Variants in CD163 observed in about 807,000 individuals in gnomAD.
The protein encoded by CD163 is scavenger receptor cysteine-rich type 1 protein M130.
A neutral mutation model predicts 129.2 loss-of-function variants in CD163; 64 were observed. The ratio of observed to expected loss-of-function variants is 0.50; its 90% CI spans 0.41 to 0.61. The LOEUF (loss-of-function observed/expected upper bound fraction) is 0.61. Among genes scored for constraint, CD163 ranks in the 20% least tolerant of loss-of-function variants. The pLI, the probability that CD163 is intolerant of heterozygous loss-of-function variation, is 0.00. For missense variants in CD163, 1,061 were observed against 1,377.9 expected (o/e 0.77, Z 3.64); for synonymous variants, 446 against 478.5 (o/e 0.93, Z 0.89).
At chr12:7,486,085 A>G (rs1468423427) in intron 10 of CD163, among the ~76,000 whole-genome samples, 2 of 152,184 alleles carry the variant, frequency 1.3e-5, no homozygotes, top group Non-Finnish European at 2.9e-5. Flanking sequence ...CTGCCATGAA[A>G]AATTGCTTGG....
chr12:7,483,740 G>T, intron 11 of CD163, 65 bp from the exon 12 acceptor site: 13 of 921,026 alleles, frequency 1.4e-5, no homozygotes, highest in South Asian at 6.2e-5. Flanking sequence ...GTTCACAGGT[G>T]AAAAGAGAGA....
Position 7,496,382 on chromosome 12 carries a change from G to T in CD163, c.1099+431C>A, listed in dbSNP as rs954843686. On this transcript the variant is annotated intron_variant, in intron 5 of 16. Coordinates refer to ENST00000432237, the MANE Select transcript of CD163 (RefSeq NM_203416.4). The surrounding 1 kb of genome is among the most constrained non-coding windows in gnomAD (Gnocchi z 4.8). The stretch of plus-strand genomic sequence containing the variant: ...TAGGACAAATACCTAATGCATGGGG[G>T]GTTAAAACCTAGATGACAGGTTGAT... Among the ~76,000 whole-genome samples, 1 of 151,622 alleles carries T rather than the reference G, an allele frequency of 6.6e-6. No homozygotes were observed. Among genetic ancestry groups the T allele is most frequent in the Non-Finnish European group, 1.5e-5 (1 of 67,936 alleles).
chr12:7,485,586 T>C lies in CD163; in HGVS notation c.2459-170A>G, dbSNP rs1949236683. The stretch of plus-strand genomic sequence containing the variant: ...GATGATTTCATAGATATTATTAAAA[T>C]ATTTTATTTATTCTATAAATACATT... On this transcript the variant is annotated intron_variant, in intron 10 of 16. Coordinates refer to ENST00000432237, the MANE Select transcript of CD163 (RefSeq NM_203416.4). This position sits in a 1 kb window ranked among gnomAD's most constrained non-coding sequence, Gnocchi z 4.5. 6.6e-6 allele frequency among the ~76,000 whole-genome samples: 1 copy of C among 152,136 alleles called. No individual in the cohort carries two copies. Among genetic ancestry groups the C allele is most frequent in the South Asian group, 2.1e-4 (1 of 4,836 alleles).
rs1356580252 is a variant in CD163, at chr12:7,501,357, C to T, written c.239G>A (p.Trp80Ter). The T allele has an allele frequency of 6.2e-6, 10 of 1,614,130 alleles. No homozygotes were observed. Among genetic ancestry groups the T allele is most frequent in the Non-Finnish European group, 8.5e-6 (10 of 1,180,006 alleles). Reference sequence around the variant, plus strand: ...AATCACAGAGACCGCTTCCATGCTCCAGCCATTATTACACACCGTTCCCCA... The same window carrying T: ...AATCACAGAGACCGCTTCCATGCTCTAGCCATTATTACACACCGTTCCCCA... ...EEWGTVCNNG[W>*]SMEAVSVICN... Residue 80 changes from tryptophan (W) to a stop codon, truncating the protein, a stop_gained, in exon 3 of 17, where the codon TGG (tryptophan) becomes TAG (stop). Transcript: ENST00000432237. LOFTEE classifies it high-confidence loss of function.
chr12:7,483,823 A>ATATG (rs1218130789), intron 11 of CD163, 148 bp from the exon 12 acceptor site: 7 of 43,504 alleles, frequency 1.6e-4, no homozygotes, highest in African/African-American at 3.1e-4. Context: ...ATATATATAT[A>ATATG]TGTATATATA....
Position 7,487,042 on chromosome 12 carries a change from T to C in CD163, c.2051-56A>G. 1 of 1,345,142 alleles carries C rather than the reference T, an allele frequency of 7.4e-7. No homozygotes were observed. The highest frequency in any genetic ancestry group is 2.3e-5 in the East Asian group (1 of 43,184). 83.3% of individuals were successfully genotyped at this position (1,345,142 alleles called of 1,614,324 possible). On this transcript the variant is annotated intron_variant, in intron 8 of 16. Transcript: ENST00000432237. This position sits in a 1 kb window ranked among gnomAD's most constrained non-coding sequence, Gnocchi z 5.1. ...GACACAAAAGGTTAGGGGAGTCAGATGAAATGTTATATGGATGAGTTGAGG... is the reference window on the plus strand; with the variant it reads ...GACACAAAAGGTTAGGGGAGTCAGACGAAATGTTATATGGATGAGTTGAGG...
intron 16 of CD163, among the ~76,000 whole-genome samples, chr12:7,478,377 T>C (rs995106370): frequency 5.3e-5 from 8 of 152,182 alleles, no homozygotes; most frequent in Admixed American, 2.0e-4. Context: ...ATATTGATGG[T>C]ATTTCAAATT....
At position 7,502,457 on chromosome 12, in the gene CD163, TA is replaced by T; in HGVS notation, c.133+20del. 6.7e-7 allele frequency: 1 copy of T among 1,490,294 alleles called. No homozygotes were observed. The highest frequency in any genetic ancestry group is 9.4e-7 in the Non-Finnish European group (1 of 1,066,282). 92.3% of individuals were successfully genotyped at this position (1,490,294 alleles called of 1,614,324 possible). ...TGTCAGAGTGGGCTAAGGCTGTAAG[TA>T]AATTTGACAAAGTACTCACCAAGAG... On this transcript the variant is annotated intron_variant, in intron 2 of 16. Transcript: ENST00000432237.
chr12:7,500,275 G>C (rs1164960923), intron 3 of CD163, among the ~76,000 whole-genome samples: 1 of 151,886 alleles, frequency 6.6e-6, no homozygotes, highest in African/African-American at 2.4e-5. Flanking sequence ...ACAAAAATCA[G>C]CCAGGTGTGG....
intron 11 of CD163, among the ~76,000 whole-genome samples, chr12:7,484,580 A>C (rs1318341463): frequency 6.8e-6 from 1 of 146,692 alleles, no homozygotes; most frequent in East Asian, 2.1e-4. Context: ...CAGAGGTTGC[A>C]GTGAGCCAAG....
chr12:7,503,337 A>G (rs1949519608), intron 1 of CD163, among the ~76,000 whole-genome samples: 1 of 152,308 alleles, frequency 6.6e-6, no homozygotes. Context: ...CTCTCTATCA[A>G]TATTCCTTTC....
intron 14 of CD163, among the ~76,000 whole-genome samples, chr12:7,481,727 T>A (rs1452441380): frequency 6.6e-6 from 1 of 152,166 alleles, no homozygotes; most frequent in Non-Finnish European, 1.5e-5. Context: ...TACATGATAC[T>A]CTTTAATGAC....
intron 14 of CD163, 79 bp from the exon 15 acceptor site, chr12:7,481,335 G>T: frequency 9.9e-7 from 1 of 1,007,486 alleles, no homozygotes; most frequent in South Asian, 1.3e-5. Context: ...TTTTCCAAGC[G>T]CTGCAAACAT....
At chr12:7,475,206 G>A (rs1949070337) in intron 16 of CD163, among the ~76,000 whole-genome samples, 2 of 148,222 alleles carry the variant, frequency 1.3e-5, no homozygotes, top group Non-Finnish European at 3.0e-5. Context: ...CCAAACAATA[G>A]AAAAAGAGAG....
Position 7,486,827 on chromosome 12 carries a change from T to C in CD163, c.2144-14A>G. 6.2e-7 allele frequency: 1 copy of C among 1,606,784 alleles called. No individual in the cohort carries two copies. The highest frequency in any genetic ancestry group is 1.1e-5 in the South Asian group (1 of 90,486). On this transcript the variant is annotated splice_polypyrimidine_tract_variant and intron_variant, in intron 9 of 16. Coordinates refer to ENST00000432237, the MANE Select transcript of CD163 (RefSeq NM_203416.4). ...GTTGACCACTCTCTGCAAAGAGAAA[T>C]GAAACTATTAATAATGAGCATTCCA...
intron 16 of CD163, among the ~76,000 whole-genome samples, chr12:7,478,337 C>T (rs754590783): frequency 3.3e-4 from 50 of 152,196 alleles, no homozygotes; most frequent in South Asian, 1.5e-3. Flanking sequence ...TTTGAAATGG[C>T]CTTTTTCTCT....
chr12:7,502,626 G>A (rs1168637530), intron 1 of CD163, 62 bp from the exon 2 acceptor site: 39 of 847,586 alleles, frequency 4.6e-5, no homozygotes, highest in Non-Finnish European at 2.0e-6. Flanking sequence ...GGAGAAGATA[G>A]ATGGTTTCAG....
chr12:7,503,207 C>T (rs1186276153), intron 1 of CD163, among the ~76,000 whole-genome samples: 1 of 152,106 alleles, frequency 6.6e-6, no homozygotes, highest in Non-Finnish European at 1.5e-5. Flanking sequence ...CATATCTTCT[C>T]GTTACTCTAA....
chr12:7,498,315 G>A (rs989899862), intron 4 of CD163, among the ~76,000 whole-genome samples: 12 of 151,776 alleles, frequency 7.9e-5, no homozygotes, highest in Admixed American at 2.0e-4. Context: ...GATTTTCCCC[G>A]CCCCCAGTCT....
Sources: gnomAD v4.1 joint callset for allele counts (sites outside exome capture counted in the v4.1 genomes callset) on GRCh38, gnomAD v4.1.1 for gene constraint, Gnocchi (gnomAD v3.1) non-coding constraint, MANE v1.5 for transcripts, NCBI Gene and HGNC (gene_info 2026-07-23, HGNC 2026-07-21) for gene names.